Variants in FAM135B observed in about 807,000 individuals in gnomAD.
FAM135B encodes protein FAM135B.
In FAM135B, 43 loss-of-function variants were observed where a neutral mutation model predicts 127.7. The observed-to-expected ratio is 0.34, with a 90% CI of 0.26 to 0.43. The LOEUF (loss-of-function observed/expected upper bound fraction) is 0.43. Ranked by LOEUF, FAM135B falls within the 20% of genes least tolerant of loss-of-function variation. The pLI is 1.00. For synonymous variants in FAM135B, 670 were observed against 665.1 expected, an observed-to-expected ratio of 1.01 and a Z score of -0.11; for missense variants, 1,558 against 1,725.6, an observed-to-expected ratio of 0.90 and a Z score of 1.72.
chr8:138,245,499 G>T (rs34261284), intron 6 of FAM135B, among the ~76,000 whole-genome samples: 2 of 152,132 alleles, frequency 1.3e-5, no homozygotes, highest in Admixed American at 6.5e-5. Context: ...CATTTGCTCA[G>T]CACTTCTCCT....
rs568246362 is a variant in FAM135B at position 138,223,776 on chromosome 8, G to A, written c.669+19166C>T. On this transcript the variant is annotated intron_variant, in intron 7 of 19. Transcript: ENST00000395297. Reference sequence around the variant, plus strand: ...GCACTATTCACAAGAGCAAAGACACGGAATCAACCTAAGTGCCATCAATGA... The same window carrying A: ...GCACTATTCACAAGAGCAAAGACACAGAATCAACCTAAGTGCCATCAATGA... 5.9e-5 allele frequency among the ~76,000 whole-genome samples: 9 copies of A among 152,240 alleles called. No individual in the cohort carries two copies. The South Asian group carries it at 1.0e-3, about 18-fold the overall frequency.
chr8:138,449,850 G>T (rs1356017287), intron 1 of FAM135B, among the ~76,000 whole-genome samples: 1 of 151,992 alleles, frequency 6.6e-6, no homozygotes, highest in South Asian at 2.1e-4. Context: ...TTCACATTAG[G>T]ATTCATTCTT....
rs377714521 is a variant in FAM135B at position 138,152,637 on chromosome 8, T to C, written c.1838A>G (p.His613Arg). Residue 613 changes from histidine (H) to arginine (R), a missense_variant, in exon 13 of 20, where the codon CAT (histidine) becomes CGT (arginine). By Grantham distance (29) the His-to-Arg change is conservative. Coordinates refer to ENST00000395297, the MANE Select transcript of FAM135B (RefSeq NM_015912.4). Reference protein sequence around the residue: ...NAISSDKTTLHELSTLGKGID... With the variant: ...NAISSDKTTLRELSTLGKGID... ...TCCCTTTCCTAGAGTACTTAATTCA[T>C]GGAGAGTTGTTTTGTCTGAAGAGAT... The C allele has an allele frequency of 2.5e-6, 4 of 1,614,044 alleles. No individual in the cohort carries two copies. The highest frequency in any genetic ancestry group is 1.3e-5 in the African/African-American group (1 of 74,924).
intron 12 of FAM135B, among the ~76,000 whole-genome samples, chr8:138,153,997 G>A (rs1818443102): frequency 6.6e-6 from 1 of 152,198 alleles, no homozygotes; most frequent in Non-Finnish European, 1.5e-5. Context: ...CCTCAAGTGG[G>A]TCCCTGACCC....
intron 3 of FAM135B, among the ~76,000 whole-genome samples, chr8:138,294,576 C>A (rs1825345854): frequency 6.6e-6 from 1 of 151,926 alleles, no homozygotes; most frequent in East Asian, 1.9e-4. Context: ...AGAAATCGCA[C>A]CACATGCATT....
At chr8:138,480,209 G>T (rs1458111254) in intron 1 of FAM135B, among the ~76,000 whole-genome samples, 1 of 152,216 alleles carries the variant, frequency 6.6e-6, no homozygotes, top group Non-Finnish European at 1.5e-5. Flanking sequence ...GGACAAGAGA[G>T]GGCTGGAGAG....
intron 1 of FAM135B, among the ~76,000 whole-genome samples, chr8:138,433,396 C>A (rs1399983755): frequency 1.1e-5 from 1 of 90,238 alleles, no homozygotes; most frequent in African/African-American, 4.6e-5. Context: ...GTAGTACATG[C>A]CTGTAGTCCC....
intron 13 of FAM135B, among the ~76,000 whole-genome samples, chr8:138,149,542 T>G (rs577040517): frequency 4.1e-4 from 63 of 152,334 alleles, no homozygotes; most frequent in African/African-American, 1.4e-3. Context: ...TTTGTCTGGT[T>G]ACCTGGCAAG....
chr8:138,439,291 G>C (rs560823777), intron 1 of FAM135B: 3 of 152,276 alleles, frequency 2.0e-5, no homozygotes, highest in African/African-American at 7.2e-5. Context: ...GTCAATATGA[G>C]AGAATCATAG....
rs529078389 is a variant in FAM135B, at chr8:138,243,688, C to T, written c.543-620G>A. On this transcript the variant is annotated intron_variant, in intron 6 of 19. Coordinates refer to ENST00000395297, the MANE Select transcript of FAM135B (RefSeq NM_015912.4). The surrounding 1 kb of genome is among the most constrained non-coding windows in gnomAD (Gnocchi z 7.5). Reference sequence around the variant, plus strand: ...ATGGACATATTGTGATGGCAATGATCAATTTCAGGATCAAAGGAGATTAGG... The same window carrying T: ...ATGGACATATTGTGATGGCAATGATTAATTTCAGGATCAAAGGAGATTAGG... Among the ~76,000 whole-genome samples the T allele has an allele frequency of 1.9e-3, 291 of 152,312 alleles. No homozygotes were observed. The highest frequency in any genetic ancestry group is 2.4e-3 in the Non-Finnish European group (165 of 68,026).
intron 7 of FAM135B, among the ~76,000 whole-genome samples, chr8:138,238,775 G>T (rs1820503459): frequency 6.6e-6 from 1 of 152,212 alleles, no homozygotes; most frequent in South Asian, 2.1e-4. Flanking sequence ...GGAGGGAGTG[G>T]ATTTTATTCT....
intron 1 of FAM135B, among the ~76,000 whole-genome samples, chr8:138,422,004 A>ATCT (rs1454171270): frequency 6.6e-6 from 1 of 152,022 alleles, no homozygotes; most frequent in Admixed American, 6.6e-5. Flanking sequence ...AAAGTCAACA[A>ATCT]TAACAAGCAA....
intron 2 of FAM135B, among the ~76,000 whole-genome samples, chr8:138,366,061 T>G (rs1830710925): frequency 6.6e-6 from 1 of 152,116 alleles, no homozygotes; most frequent in South Asian, 2.1e-4. Flanking sequence ...CAGCCCACTT[T>G]GCACCTTAAA....
chr8:138,468,373 CTCTA>C (rs1837485955), intron 1 of FAM135B, among the ~76,000 whole-genome samples: 1 of 152,178 alleles, frequency 6.6e-6, no homozygotes, highest in Admixed American at 6.5e-5. Context: ...CTTCATGACT[CTCTA>C]TCTATGGACA....
chr8:138,354,981 G>A (rs1403888688), intron 2 of FAM135B, among the ~76,000 whole-genome samples: 1 of 151,974 alleles, frequency 6.6e-6, no homozygotes, highest in Non-Finnish European at 1.5e-5. Flanking sequence ...ATTTACATTA[G>A]GTATATCTCC....
rs1426183902 is a variant in FAM135B at position 138,195,298 on chromosome 8, G to A, written c.833C>T (p.Ala278Val). The A allele has an allele frequency of 6.2e-7, 1 of 1,613,822 alleles. No homozygotes were observed. Among genetic ancestry groups the A allele is most frequent in the South Asian group, 1.1e-5 (1 of 91,072 alleles). The stretch of plus-strand genomic sequence containing the variant: ...CAGCTGAGAAAGTGTTTCTTCAACA[G>A]CAAGGGCCTCTAGAAAGAAAAAATA... ...ELPHTELEAL[A>V]VEETLSQLCS... The change falls in exon 9 of 20, where the codon GCT becomes GTT. Residue 278 changes from alanine to valine, a missense_variant. This residue lies in a region of FAM135B where 127 missense variants were observed against 109.7 expected (regional missense o/e 1.16). Transcript: ENST00000395297.
intron 1 of FAM135B, among the ~76,000 whole-genome samples, chr8:138,430,394 A>C (rs938289237): frequency 1.3e-5 from 2 of 152,354 alleles, no homozygotes; most frequent in African/African-American, 4.8e-5. Context: ...TCAGTGGCTT[A>C]AATTAATAAT....
chr8:138,184,173 G>A (rs1006098650), intron 9 of FAM135B, among the ~76,000 whole-genome samples: 10 of 152,172 alleles, frequency 6.6e-5, no homozygotes, highest in African/African-American at 2.4e-4. Flanking sequence ...GGGATAGCCC[G>A]GGCAGAGGCC....
intron 1 of FAM135B, among the ~76,000 whole-genome samples, chr8:138,465,338 A>C (rs1837329319): frequency 1.3e-5 from 2 of 152,202 alleles, no homozygotes; most frequent in Admixed American, 1.3e-4. Flanking sequence ...AGGTGCTGCA[A>C]GGAGTCCATC....
Sources: allele counts gnomAD v4.1 joint callset (sites outside exome capture counted in the v4.1 genomes callset), GRCh38; gene constraint gnomAD v4.1.1; regional missense constraint gnomAD v4.1.1; non-coding constraint Gnocchi (gnomAD v3.1); transcripts MANE v1.5; gene names NCBI Gene and HGNC (gene_info 2026-07-23, HGNC 2026-07-21).